Variants in NEK11 observed in about 807,000 individuals in gnomAD.
NEK11 encodes serine/threonine-protein kinase Nek11.
NEK11 carries 72 observed loss-of-function variants against 80.7 expected under a neutral mutation model. The observed-to-expected ratio is 0.89, with a 90% CI of 0.74 to 1.08. The LOEUF is 1.08. NEK11 is among the 50% of genes least tolerant of loss of function. The pLI is 0.00. For synonymous variants in NEK11, 251 were observed against 260.7 expected, an observed-to-expected ratio of 0.96 and a Z score of 0.36; for missense variants, 764 against 763.6, an observed-to-expected ratio of 1.00 and a Z score of -0.01.
intron 14 of NEK11, among the ~76,000 whole-genome samples, chr3:131,197,425 T>C (rs1412301873): frequency 6.6e-6 from 1 of 152,046 alleles, no homozygotes; most frequent in African/African-American, 2.4e-5. Context: ...TGAAGAACAA[T>C]TTGTAGTTTT....
At chr3:131,279,600 T>G (rs1486548770) in intron 17 of NEK11, among the ~76,000 whole-genome samples, 1 of 152,166 alleles carries the variant, frequency 6.6e-6, no homozygotes, top group Non-Finnish European at 1.5e-5. Flanking sequence ...CCCTTTGTAG[T>G]CAGCTCCTCC....
intron 17 of NEK11, among the ~76,000 whole-genome samples, chr3:131,281,572 A>G (rs1006715242): frequency 3.1e-4 from 47 of 152,200 alleles, no homozygotes; most frequent in African/African-American, 1.1e-3. Context: ...ATAGCCTTGC[A>G]CATTCAGGGT....
intron 14 of NEK11, among the ~76,000 whole-genome samples, chr3:131,211,569 A>G (rs570003393): frequency 4.1e-4 from 63 of 152,286 alleles, no homozygotes; most frequent in African/African-American, 1.3e-3. Flanking sequence ...GTGTTTTCCA[A>G]CTTGGTTCCA....
chr3:131,139,303 C>T (rs534787449), intron 7 of NEK11, among the ~76,000 whole-genome samples: 53 of 140,642 alleles, frequency 3.8e-4, no homozygotes, highest in African/African-American at 1.3e-3. Flanking sequence ...TTAGTAAGCT[C>T]GAAGACAGGA....
intron 17 of NEK11, among the ~76,000 whole-genome samples, chr3:131,296,815 C>A (rs1055069919): frequency 3.9e-5 from 6 of 151,998 alleles, no homozygotes; most frequent in African/African-American, 1.5e-4. Context: ...TCCCCACTCC[C>A]CCCACCCCAC....
rs144885382 is a variant in NEK11 at position 131,349,675 on chromosome 3, C to T, written c.1837C>T (p.Pro613Ser). The T allele has an allele frequency of 3.8e-5, 61 of 1,614,152 alleles. No homozygotes were observed. The African/African-American group carries it at 6.9e-4, about 18-fold the overall frequency. Residue 613 changes from proline to serine, a missense_variant, in exon 18 of 18, where the codon CCT becomes TCT. Physicochemically the swap from Pro to Ser is moderately conservative, Grantham distance 74. Transcript: ENST00000383366. ...CCGCGAGTGTTTGGAAAAAGTGGTGCCTCAAGCCAGCGACTGTTTTGAAGT... is the reference window on the plus strand; with the variant it reads ...CCGCGAGTGTTTGGAAAAAGTGGTGTCTCAAGCCAGCGACTGTTTTGAAGT... ...EIRECLEKVVPQASDCFEVDQ... is the reference protein window; with the variant it reads ...EIRECLEKVVSQASDCFEVDQ...
intron 7 of NEK11, among the ~76,000 whole-genome samples, chr3:131,136,458 A>T (rs967312875): frequency 6.6e-5 from 10 of 152,050 alleles, no homozygotes; most frequent in African/African-American, 2.4e-4. Context: ...TTTTTTTAGG[A>T]TTAGAAACAC....
chr3:131,166,936 A>G (rs2092290138), intron 12 of NEK11, among the ~76,000 whole-genome samples: 1 of 152,208 alleles, frequency 6.6e-6, no homozygotes, highest in African/African-American at 2.4e-5. Flanking sequence ...TCTCTGGTGC[A>G]GTCTGCTTTG....
intron 14 of NEK11, among the ~76,000 whole-genome samples, chr3:131,207,768 T>G (rs2094488274): frequency 6.6e-6 from 1 of 152,224 alleles, no homozygotes; most frequent in Non-Finnish European, 1.5e-5. Flanking sequence ...TGTCTTCTTT[T>G]GAGAAGTGTC....
At chr3:131,154,968 G>C in intron 9 of NEK11, 68 bp from the exon 10 acceptor site, 1 of 919,906 alleles carries the variant, frequency 1.1e-6, no homozygotes, top group Non-Finnish European at 1.7e-6. Flanking sequence ...AAAGATTCTT[G>C]GTAATTTATT....
At chr3:131,142,074 C>T (rs764254014) in intron 7 of NEK11, among the ~76,000 whole-genome samples, 5 of 152,192 alleles carry the variant, frequency 3.3e-5, no homozygotes, top group Non-Finnish European at 7.3e-5. Context: ...CTGCTCTGAT[C>T]CATAGTTTTC....
intron 10 of NEK11, among the ~76,000 whole-genome samples, chr3:131,156,523 G>A (rs1323122874): frequency 1.3e-5 from 2 of 152,208 alleles, no homozygotes; most frequent in Admixed American, 1.3e-4. Flanking sequence ...GCTGCCTCTA[G>A]TCGGCCATCT....
chr3:131,044,973 C>A (rs867721026), intron 3 of NEK11, among the ~76,000 whole-genome samples: 6 of 152,138 alleles, frequency 3.9e-5, no homozygotes, highest in Non-Finnish European at 4.4e-5. Context: ...GAAACTCACT[C>A]AAAACTGCCC....
chr3:131,188,195 A>C (rs2093666444), intron 14 of NEK11, among the ~76,000 whole-genome samples: 1 of 152,130 alleles, frequency 6.6e-6, no homozygotes, highest in South Asian at 2.1e-4. Flanking sequence ...ATGTCTCCAA[A>C]GTGCTTGTGT....
At chr3:131,261,269 A>T (rs1452840595) in intron 16 of NEK11, among the ~76,000 whole-genome samples, 1 of 152,146 alleles carries the variant, frequency 6.6e-6, no homozygotes. Flanking sequence ...GTGTCTTCGT[A>T]TCATTTTGTT....
intron 17 of NEK11, among the ~76,000 whole-genome samples, chr3:131,303,362 G>C (rs1316101069): frequency 6.6e-6 from 1 of 152,132 alleles, no homozygotes; most frequent in African/African-American, 2.4e-5. Context: ...ACTTGATCCT[G>C]TCGTCATGTT....
At chr3:131,032,691 C>T (rs2065048886) in intron 3 of NEK11, among the ~76,000 whole-genome samples, 1 of 152,184 alleles carries the variant, frequency 6.6e-6, no homozygotes, top group Non-Finnish European at 1.5e-5. Context: ...CTGTACATTC[C>T]TAATCTGAGC....
intron 17 of NEK11, among the ~76,000 whole-genome samples, chr3:131,284,172 C>A (rs2096440965): frequency 6.6e-6 from 1 of 152,226 alleles, no homozygotes; most frequent in Non-Finnish European, 1.5e-5. Context: ...TGAGCAGATT[C>A]ATGCACTTCT....
chr3:131,251,219 G>T (rs929633693), intron 16 of NEK11, among the ~76,000 whole-genome samples: 3 of 144,836 alleles, frequency 2.1e-5, no homozygotes, highest in South Asian at 2.2e-4. Flanking sequence ...AAAAAAACAA[G>T]TTAAAGAGTT....
Sources: gnomAD v4.1 joint callset for allele counts (sites outside exome capture counted in the v4.1 genomes callset) on GRCh38, gnomAD v4.1.1 for gene constraint, MANE v1.5 for transcripts, NCBI Gene and HGNC (gene_info 2026-07-23, HGNC 2026-07-21) for gene names.